The following B4GALNT4 variants were observed in gnomAD, a reference collection of about 807,000 sequenced individuals.
B4GALNT4 encodes the protein N-acetyl-beta-glucosaminyl-glycoprotein 4-beta-N-acetylgalactosaminyltransferase 1.
In B4GALNT4, 77 loss-of-function variants were observed where a neutral mutation model predicts 110.0. The ratio of observed to expected loss-of-function variants is 0.70; its 90% CI spans 0.58 to 0.85. B4GALNT4 has a LOEUF of 0.85. B4GALNT4 is among the 40% of genes least tolerant of loss of function. B4GALNT4 has a pLI of 0.00. For synonymous variants in B4GALNT4, 785 were observed against 655.5 expected (o/e 1.20, Z -3.02); for missense variants, 1,575 against 1,506.0 (o/e 1.05, Z -0.76).
chr11:371,568 T>G (rs1046058567), intron 1 of B4GALNT4, among the ~76,000 whole-genome samples: 4 of 152,270 alleles, frequency 2.6e-5, no homozygotes, highest in Non-Finnish European at 5.9e-5. Flanking sequence ...TCCAGGGCCA[T>G]GCCTGGGCGT....
chr11:375,294 C>T (rs1342603481), intron 8 of B4GALNT4, among the ~76,000 whole-genome samples, 167 bp from the exon 9 acceptor site: 1 of 151,908 alleles, frequency 6.6e-6, no homozygotes, highest in African/African-American at 2.4e-5. Context: ...TCCCCAGCTT[C>T]CCTGCTGCCC....
chr11:372,571 T>C, intron 2 of B4GALNT4, 91 bp from the exon 3 acceptor site: 1 of 1,120,192 alleles, frequency 8.9e-7, no homozygotes, highest in Non-Finnish European at 1.3e-6. Context: ...GGATACATGT[T>C]GGAAGGGGTC....
At chr11:374,306 T>C (rs1564869072) in intron 8 of B4GALNT4, among the ~76,000 whole-genome samples, 2 of 151,948 alleles carry the variant, frequency 1.3e-5, no homozygotes, top group Admixed American at 6.6e-5. Context: ...GGATTTTTAC[T>C]GTGGCCTTTG....
intron 18 of B4GALNT4, 51 bp downstream of exon 18, chr11:380,496 C>T (rs1022441249): frequency 6.5e-7 from 1 of 1,538,110 alleles, no homozygotes; most frequent in South Asian, 1.2e-5. Flanking sequence ...CACCAACCGC[C>T]GCGGTAAAGT....
At chr11:370,871 C>T (rs1417032564) in intron 1 of B4GALNT4, among the ~76,000 whole-genome samples, 2 of 152,072 alleles carry the variant, frequency 1.3e-5, no homozygotes, top group Non-Finnish European at 2.9e-5. Context: ...GTGTTCTCTT[C>T]CTGTACCGGG....
Position 375,541 on chromosome 11 carries a change from C to T in B4GALNT4, c.850+14C>T. On this transcript the variant is annotated intron_variant, in intron 9 of 19. Transcript: ENST00000329962. ...CCCTGTACACAGGTGCGAGCGGACG[C>T]CTCTGGGGATGTGGGGCTCCTCGGG... 2 of 1,609,192 alleles carry T rather than the reference C, an allele frequency of 1.2e-6. No individual in the cohort carries two copies. Among genetic ancestry groups the T allele is most frequent in the Non-Finnish European group, 1.7e-6 (2 of 1,179,748 alleles).
At chr11:374,006 G>A (rs912624300) in intron 8 of B4GALNT4, among the ~76,000 whole-genome samples, 178 bp downstream of exon 8, 2 of 152,168 alleles carry the variant, frequency 1.3e-5, no homozygotes, top group South Asian at 4.2e-4. Flanking sequence ...TTCACTAGGA[G>A]TCACCTTTGA....
chr11:372,122 G>A lies in B4GALNT4; in HGVS notation c.165G>A (p.Leu55=). The A allele has an allele frequency of 6.5e-7, 1 of 1,549,408 alleles. No homozygotes were observed. Residue 55 remains leucine (L), a synonymous_variant, in exon 2 of 20, where the codon CTG becomes CTA. Coordinates refer to ENST00000329962, the MANE Select transcript of B4GALNT4 (RefSeq NM_178537.5). ...TGCCACCTGCAGATGGTGAGAAGCT[G>A]ACCAGTGAGACCGACGGCCGGGGGG... ...RLGYGRDGEK[L]TSETDGRGVH...
intron 14 of B4GALNT4, among the ~76,000 whole-genome samples, chr11:379,026 G>A (rs547761191): frequency 6.6e-6 from 1 of 152,336 alleles, no homozygotes; most frequent in East Asian, 1.9e-4. Context: ...AATCAAAACT[G>A]CTTAAGGTCC....
chr11:376,105 A>G lies in B4GALNT4; in HGVS notation c.1127A>G (p.Tyr376Cys). 1 of 1,601,816 alleles carries G rather than the reference A, an allele frequency of 6.2e-7. No individual in the cohort carries two copies. Among genetic ancestry groups the G allele is most frequent in the Non-Finnish European group, 8.5e-7 (1 of 1,174,852 alleles). The change falls in exon 12 of 20, where the codon TAC (tyrosine) becomes TGC (cysteine). Residue 376 changes from tyrosine to cysteine, a missense_variant. Physicochemically the swap from Tyr to Cys is radical, Grantham distance 194. Coordinates refer to ENST00000329962, the MANE Select transcript of B4GALNT4 (RefSeq NM_178537.5). ...CTGTCCTTCGTTTATCCCAACGACT[A>G]CACTCGCCTCACCCACATGGAGACG... ...VYLSFVYPND[Y>C]TRLTHMETDN... is the part of the protein sequence containing the mutation.
chr11:379,446 G>T lies in B4GALNT4; in HGVS notation c.2233G>T (p.Val745Leu). Residue 745 changes from valine to leucine, a missense_variant, in exon 15 of 20, where the codon GTG becomes TTG. Val to Leu is a conservative substitution (Grantham distance 32). Coordinates refer to ENST00000329962, the MANE Select transcript of B4GALNT4 (RefSeq NM_178537.5). Reference sequence around the variant, plus strand: ...CTTCGCGCTTCTGCGCATCGTGAACGTGGAGAAGCGCCGGGACTCGGCGCG... The same window carrying T: ...CTTCGCGCTTCTGCGCATCGTGAACTTGGAGAAGCGCCGGGACTCGGCGCG... Reference protein sequence around the residue: ...GRFALLRIVNVEKRRDSARGS... With the variant: ...GRFALLRIVNLEKRRDSARGS... 1 of 1,544,622 alleles carries T rather than the reference G, an allele frequency of 6.5e-7. No homozygotes were observed. The highest frequency in any genetic ancestry group is 8.7e-7 in the Non-Finnish European group (1 of 1,153,872).
At position 380,877 on chromosome 11, in the gene B4GALNT4, T is replaced by C. The variant is rs866899126; in HGVS notation, c.2922T>C (p.Phe974=). 1.3e-5 allele frequency: 21 copies of C among 1,613,792 alleles called. No homozygotes were observed. The Middle Eastern group carries it at 2.0e-3, about 152-fold the overall frequency. ...TTTTTGGGATCTACAAGTCGGACTT[T>C]GACCGGGTTGGAGGAATGAACACGG... ...FGLFGIYKSD[F]DRVGGMNTEE... is the part of the protein sequence containing the mutation. Residue 974 remains phenylalanine, a synonymous_variant, in exon 19 of 20, where the codon TTT becomes TTC. Transcript: ENST00000329962.
chr11:379,833 G>C, intron 15 of B4GALNT4, 33 bp from the exon 16 acceptor site: 1 of 1,563,388 alleles, frequency 6.4e-7, no homozygotes, highest in Non-Finnish European at 8.6e-7. Context: ...AGTCAGCGTC[G>C]GCTCAGCGCC....
rs774843894 is a variant in B4GALNT4, at chr11:379,547, C to T, written c.2334C>T (p.Phe778=). Residue 778 remains phenylalanine, a synonymous_variant, in exon 15 of 20, where the codon TTC becomes TTT. Coordinates refer to ENST00000329962, the MANE Select transcript of B4GALNT4 (RefSeq NM_178537.5). The stretch of plus-strand genomic sequence containing the variant: ...GCCTGCGACTGTCCGAGTACGTCTT[C>T]CTGCGGCTGCCGGGAGCCCGCGTAG... ...GGRLRLSEYV[F]LRLPGARVGD... 13 of 1,586,952 alleles carry T rather than the reference C, an allele frequency of 8.2e-6. No individual in the cohort carries two copies. Among genetic ancestry groups the T allele is most frequent in the South Asian group, 1.1e-5 (1 of 89,462 alleles).
intron 19 of B4GALNT4, 152 bp downstream of exon 19, chr11:381,103 G>T (rs1846866935): frequency 6.9e-7 from 1 of 1,451,518 alleles, no homozygotes; most frequent in South Asian, 1.4e-5. Context: ...GGCCTGGAGA[G>T]ACTCCTCCAC....
intron 14 of B4GALNT4, among the ~76,000 whole-genome samples, chr11:378,334 G>C (rs902007839): frequency 6.6e-6 from 1 of 152,194 alleles, no homozygotes; most frequent in Admixed American, 6.5e-5. Flanking sequence ...TGGGCGGTGG[G>C]TGCTGGATTC....
At chr11:375,327 C>G (rs1369030263) in intron 8 of B4GALNT4, 134 bp from the exon 9 acceptor site, 1 of 937,740 alleles carries the variant, frequency 1.1e-6, no homozygotes, top group Non-Finnish European at 1.7e-6. Flanking sequence ...CCCCGGACCC[C>G]TCTGCCATCT....
chr11:376,248 C>T lies in B4GALNT4; in HGVS notation c.1197-3C>T, dbSNP rs768534667. On this transcript the variant is annotated splice_region_variant and splice_polypyrimidine_tract_variant and intron_variant, in intron 12 of 19. Coordinates refer to ENST00000329962, the MANE Select transcript of B4GALNT4 (RefSeq NM_178537.5). ...TCGGCTCTGATGCCCCGCCGCGCCC[C>T]AGGTTTGGGTTCTATAAATACATGA... The T allele has an allele frequency of 3.7e-6, 6 of 1,608,454 alleles. No homozygotes were observed. The highest frequency in any genetic ancestry group is 5.1e-6 in the Non-Finnish European group (6 of 1,177,390).
chr11:372,076 G>C, intron 1 of B4GALNT4, 33 bp from the exon 2 acceptor site: 6 of 1,521,384 alleles, frequency 3.9e-6, no homozygotes, highest in Non-Finnish European at 5.3e-6. Context: ...GAGAGAGCCT[G>C]GGCCCGAGAC....
Sources: allele counts gnomAD v4.1 joint callset (sites outside exome capture counted in the v4.1 genomes callset), GRCh38; gene constraint gnomAD v4.1.1; transcripts MANE v1.5; gene names NCBI Gene and HGNC (gene_info 2026-07-23, HGNC 2026-07-21).